Variants in CLSTN2 observed in about 807,000 individuals in gnomAD.
CLSTN2 encodes calsyntenin 2, also known as calsyntenin-2.
Under a neutral mutation model 101.2 loss-of-function variants are expected in CLSTN2, and 48 were observed. The observed-to-expected ratio is 0.47, with a 90% CI of 0.38 to 0.60. The LOEUF (loss-of-function observed/expected upper bound fraction) is 0.60, where lower values mean the gene tolerates loss of function less well. Among genes scored for constraint, CLSTN2 ranks in the 20% least tolerant of loss-of-function variants. The probability of loss-of-function intolerance (pLI) is 0.00; values close to 1 mark genes in which losing one functional copy is unlikely to be tolerated. For missense variants in CLSTN2, 1,160 were observed against 1,238.2 expected, an observed-to-expected ratio of 0.94 and a Z score of 0.95; for synonymous variants, 481 against 463.6, an observed-to-expected ratio of 1.04 and a Z score of -0.48.
At chr3:139,995,319 A>T (rs1936184067) in intron 1 of CLSTN2, among the ~76,000 whole-genome samples, 1 of 152,208 alleles carries the variant, frequency 6.6e-6, no homozygotes, top group African/African-American at 2.4e-5. Flanking sequence ...ACCTCACAGC[A>T]TAGCATATTT....
At chr3:140,306,832 G>A (rs1236076435) in intron 2 of CLSTN2, among the ~76,000 whole-genome samples, 1 of 147,194 alleles carries the variant, frequency 6.8e-6, no homozygotes, top group Non-Finnish European at 1.5e-5. Context: ...AGTGTTCTGG[G>A]ATCCATTTTT....
intron 1 of CLSTN2, among the ~76,000 whole-genome samples, chr3:140,124,429 G>A (rs2009397000): frequency 6.6e-6 from 1 of 152,166 alleles, no homozygotes; most frequent in African/African-American, 2.4e-5. Context: ...AAATAGGCAA[G>A]GGATGATGCC....
intron 9 of CLSTN2, among the ~76,000 whole-genome samples, chr3:140,542,065 A>C (rs1935491344): frequency 6.6e-6 from 1 of 152,306 alleles, no homozygotes; most frequent in East Asian, 1.9e-4. Flanking sequence ...CCCTCCACTT[A>C]AGGATTAAGT....
chr3:140,000,114 G>A (rs1186434044), intron 1 of CLSTN2, among the ~76,000 whole-genome samples: 4 of 150,820 alleles, frequency 2.7e-5, no homozygotes, highest in Admixed American at 2.0e-4. Flanking sequence ...GCAGCAGTGT[G>A]GGGCTAGCAA....
At chr3:140,014,280 A>G (rs2007151429) in intron 1 of CLSTN2, among the ~76,000 whole-genome samples, 1 of 152,082 alleles carries the variant, frequency 6.6e-6, no homozygotes, top group African/African-American at 2.4e-5. Flanking sequence ...GCTGCAGTGC[A>G]GTGGTACTAT....
chr3:140,320,701 C>CA (rs538798156), intron 2 of CLSTN2, among the ~76,000 whole-genome samples: 144 of 147,830 alleles, frequency 9.7e-4, no homozygotes, highest in South Asian at 1.7e-3. Flanking sequence ...CTCCCCCTTC[C>CA]AAAAAAAAAG....
At chr3:140,464,934 C>T (rs899007694) in intron 7 of CLSTN2, among the ~76,000 whole-genome samples, 1 of 152,210 alleles carries the variant, frequency 6.6e-6, no homozygotes, top group Non-Finnish European at 1.5e-5. Context: ...AATGGTGATG[C>T]TTTCCTGAAA....
chr3:140,379,528 A>T (rs1438898792), intron 2 of CLSTN2, among the ~76,000 whole-genome samples: 1 of 152,156 alleles, frequency 6.6e-6, no homozygotes, highest in Non-Finnish European at 1.5e-5. Context: ...ATTTCCTAGG[A>T]GGTTGACATC....
chr3:140,159,231 A>AG (rs1271930480), intron 1 of CLSTN2, among the ~76,000 whole-genome samples: 6 of 152,184 alleles, frequency 3.9e-5, no homozygotes, highest in Non-Finnish European at 7.4e-5. Flanking sequence ...CAACAGAATA[A>AG]GCAGATATCC....
At chr3:140,128,179 A>G (rs1242736245) in intron 1 of CLSTN2, among the ~76,000 whole-genome samples, 1 of 152,162 alleles carries the variant, frequency 6.6e-6, no homozygotes, top group Non-Finnish European at 1.5e-5. Context: ...CATGTCCCCA[A>G]AATAGGTTAA....
intron 1 of CLSTN2, among the ~76,000 whole-genome samples, chr3:139,973,847 C>T (rs1313419705): frequency 6.6e-6 from 1 of 152,056 alleles, no homozygotes. Flanking sequence ...TCTTTGTTGC[C>T]TAGGCTGGTC....
At chr3:140,296,946 C>T (rs918204060) in intron 2 of CLSTN2, among the ~76,000 whole-genome samples, 40 of 152,194 alleles carry the variant, frequency 2.6e-4, no homozygotes, top group African/African-American at 9.6e-4. Flanking sequence ...CTACAGGCAG[C>T]CTCTGCACCA....
intron 8 of CLSTN2, among the ~76,000 whole-genome samples, chr3:140,475,441 T>C (rs1933962058): frequency 6.6e-6 from 1 of 152,250 alleles, no homozygotes; most frequent in Non-Finnish European, 1.5e-5. Context: ...CTTGAAGAGC[T>C]GATTTCTCAA....
chr3:140,011,783 A>G (rs537401016), intron 1 of CLSTN2, among the ~76,000 whole-genome samples: 2 of 151,978 alleles, frequency 1.3e-5, no homozygotes, highest in Non-Finnish European at 2.9e-5. Context: ...CAGGATGGGT[A>G]AGTGTCTGGC....
intron 1 of CLSTN2, among the ~76,000 whole-genome samples, chr3:140,000,750 T>C (rs947266059): frequency 3.9e-5 from 6 of 152,230 alleles, no homozygotes; most frequent in African/African-American, 1.4e-4. Context: ...GCTAGATTTC[T>C]CATCTTGCTC....
intron 8 of CLSTN2, among the ~76,000 whole-genome samples, chr3:140,467,883 CCTTT>C (rs932462092): frequency 2.0e-5 from 3 of 152,108 alleles, no homozygotes; most frequent in Non-Finnish European, 2.9e-5. Context: ...ATTGCTGCCA[CCTTT>C]CATCCTCATA....
chr3:140,511,192 C>A (rs992471453), intron 8 of CLSTN2, among the ~76,000 whole-genome samples: 3 of 152,180 alleles, frequency 2.0e-5, no homozygotes, highest in Non-Finnish European at 4.4e-5. Context: ...CTGCAAAGGA[C>A]ATGATCTCAC....
chr3:140,504,423 T>TA (rs1934644525), intron 8 of CLSTN2, among the ~76,000 whole-genome samples: 1 of 151,486 alleles, frequency 6.6e-6, no homozygotes, highest in African/African-American at 2.4e-5. Flanking sequence ...TCATAGTGAG[T>TA]AATGGTATCA....
intron 1 of CLSTN2, among the ~76,000 whole-genome samples, chr3:140,115,327 T>C (rs2009223179): frequency 6.6e-6 from 1 of 152,190 alleles, no homozygotes; most frequent in South Asian, 2.1e-4. Flanking sequence ...TTTCTCTCTG[T>C]GTGTGTTTAC....
Sources: gnomAD v4.1 joint callset for allele counts (sites outside exome capture counted in the v4.1 genomes callset) on GRCh38, gnomAD v4.1.1 for gene constraint, MANE v1.5 for transcripts, NCBI Gene and HGNC (gene_info 2026-07-23, HGNC 2026-07-21) for gene names.